Variants in MED28 observed in about 807,000 individuals in gnomAD.
MED28 encodes the protein mediator complex subunit 28.
A neutral mutation model predicts 21.3 loss-of-function variants in MED28; 26 were observed. The observed-to-expected ratio is 1.22, with a 90% CI of 0.89 to 1.69. The LOEUF (loss-of-function observed/expected upper bound fraction) is 1.69, where lower values mean the gene tolerates loss of function less well. Ranked by LOEUF, MED28 falls within the 40% of genes most tolerant of loss-of-function variation. The probability of loss-of-function intolerance (pLI) is 0.00; values close to 1 mark genes in which losing one functional copy is unlikely to be tolerated. For synonymous variants in MED28, 110 were observed against 87.6 expected (o/e 1.26, Z -1.43); for missense variants, 257 against 215.4 (o/e 1.19, Z -1.21).
rs1714949898 is a variant in MED28, at chr4:17,631,706, GA to G, written c.*7911del. On this transcript the variant is annotated 3_prime_UTR_variant, in exon 4 of 4. Transcript: ENST00000237380. ...GCTGCTTGTCTTAGACCAAGGAAGT[GA>G]AAGTATTCAGTCCAAGCATGCTACC... 1 of 152,322 alleles carries G rather than the reference GA, an allele frequency of 6.6e-6. No individual in the cohort carries two copies. Among genetic ancestry groups the G allele is most frequent in the South Asian group, 2.1e-4 (1 of 4,830 alleles). 9.4% of individuals were successfully genotyped at this position (152,322 alleles called of 1,614,324 possible). A position where few individuals can be genotyped will look rare whatever the true frequency, so the allele number is the denominator to read the frequency against.
At position 17,633,972 on chromosome 4, in the gene MED28, C is replaced by G; in HGVS notation, c.*10174C>G. On this transcript the variant is annotated 3_prime_UTR_variant, in exon 4 of 4. Coordinates refer to ENST00000237380, the MANE Select transcript of MED28 (RefSeq NM_025205.5). ...ATTGTAAAAGCAAATAATGCTCACCCAATCAAAATTGTATCGGAGAAGAAG... is the reference window on the plus strand; with the variant it reads ...ATTGTAAAAGCAAATAATGCTCACCGAATCAAAATTGTATCGGAGAAGAAG... The G allele has an allele frequency of 5.4e-6, 6 of 1,113,948 alleles. No individual in the cohort carries two copies. The highest frequency in any genetic ancestry group is 7.1e-6 in the Non-Finnish European group (6 of 840,318). The allele number at this position is 1,113,948 out of a possible 1,614,324, so 69.0% of individuals were successfully genotyped here.
In MED28 at chr4:17,624,065, A is replaced by T; in HGVS notation, c.*267A>T. On this transcript the variant is annotated 3_prime_UTR_variant, in exon 4 of 4. Coordinates refer to ENST00000237380, the MANE Select transcript of MED28 (RefSeq NM_025205.5). ...TTAGACTGTGAATATGATGACACAG[A>T]TTCTTTTTTATGGTGGCTTTGCTTG... The T allele has an allele frequency of 7.1e-6, 3 of 424,850 alleles. 1 individual carries two copies. In the South Asian group the frequency reaches 1.0e-4, roughly 15 times the overall value. The allele number at this position is 424,850 out of a possible 1,614,324, so 26.3% of individuals were successfully genotyped here.
rs1382281228 is a variant in MED28 at position 17,631,894 on chromosome 4, T to C, written c.*8096T>C. ...GCATCCTAAGGACAAGTACAACCAC[T>C]TTTGAAATAGATCATGGAAATCACA... On this transcript the variant is annotated 3_prime_UTR_variant, in exon 4 of 4. Coordinates refer to ENST00000237380, the MANE Select transcript of MED28 (RefSeq NM_025205.5). 1.3e-5 allele frequency: 2 copies of C among 152,162 alleles called. No homozygotes were observed. The highest frequency in any genetic ancestry group is 2.9e-5 in the Non-Finnish European group (2 of 68,034). The allele number at this position is 152,162 out of a possible 1,614,324, so 9.4% of individuals were successfully genotyped here. A position where few individuals can be genotyped will look rare whatever the true frequency, so the allele number is the denominator to read the frequency against.
chr4:17,628,255 CGT>C lies in MED28; in HGVS notation c.*4492_*4493del, dbSNP rs71167314. The C allele has an allele frequency of 0.017, 2,454 of 140,856 alleles. 24 individuals are homozygous for C. Among genetic ancestry groups the C allele is most frequent in the Non-Finnish European group, 0.021 (1,384 of 65,172 alleles). The allele number at this position is 140,856 out of a possible 1,614,324, so 8.7% of individuals were successfully genotyped here. ...GCTGGTTAAAACGAGTGACAGCTGC[CGT>C]GTGTGTGTGTGTGTGTGTGTGTGTG... On this transcript the variant is annotated 3_prime_UTR_variant, in exon 4 of 4. Coordinates refer to ENST00000237380, the MANE Select transcript of MED28 (RefSeq NM_025205.5).
rs1290014456 is a variant in MED28, at chr4:17,626,820, CTG to C, written c.*3024_*3025del. 6.6e-6 allele frequency: 1 copy of C among 152,324 alleles called. No homozygotes were observed. Among genetic ancestry groups the C allele is most frequent in the Non-Finnish European group, 1.5e-5 (1 of 68,112 alleles). 9.4% of individuals were successfully genotyped at this position (152,324 alleles called of 1,614,324 possible). A position where few individuals can be genotyped will look rare whatever the true frequency, so the allele number is the denominator to read the frequency against. On this transcript the variant is annotated 3_prime_UTR_variant, in exon 4 of 4. Coordinates refer to ENST00000237380, the MANE Select transcript of MED28 (RefSeq NM_025205.5). Reference sequence around the variant, plus strand: ...GTTCTACAAACAGCAGCTGGCAGCACTGTCTCCTGCCGGACATTCCTGCCACC... The same window carrying C: ...GTTCTACAAACAGCAGCTGGCAGCACTCTCCTGCCGGACATTCCTGCCACC...
Position 17,629,094 on chromosome 4 carries a change from A to G in MED28, c.*5296A>G, listed in dbSNP as rs10032326. On this transcript the variant is annotated 3_prime_UTR_variant, in exon 4 of 4. Transcript: ENST00000237380. The stretch of plus-strand genomic sequence containing the variant: ...CTCTACTAAAAATACATTAATTAGC[A>G]TGGTGGCGGGTGCCTGTAGTCCCAG... 6.6e-6 allele frequency: 1 copy of G among 151,990 alleles called. No homozygotes were observed. Among genetic ancestry groups the G allele is most frequent in the South Asian group, 2.1e-4 (1 of 4,828 alleles). The allele number at this position is 151,990 out of a possible 1,614,324, so 9.4% of individuals were successfully genotyped here.
In MED28 at chr4:17,634,075, A is replaced by C. The variant is rs1715050933; in HGVS notation, c.*10277A>C. 1 of 459,096 alleles carries C rather than the reference A, an allele frequency of 2.2e-6. No homozygotes were observed. The highest frequency in any genetic ancestry group is 5.3e-5 in the South Asian group (1 of 18,772). The allele number at this position is 459,096 out of a possible 1,614,324, so 28.4% of individuals were successfully genotyped here. A position where few individuals can be genotyped will look rare whatever the true frequency, so the allele number is the denominator to read the frequency against. On this transcript the variant is annotated 3_prime_UTR_variant, in exon 4 of 4. Transcript: ENST00000237380. ...CAATCTTCATTTTGTATTATAAATAAATATGTATGTTCACAACCTCTTAAC... is the reference window on the plus strand; with the variant it reads ...CAATCTTCATTTTGTATTATAAATACATATGTATGTTCACAACCTCTTAAC...
chr4:17,623,198 C>G (rs192237244), intron 3 of MED28, among the ~76,000 whole-genome samples: 42 of 152,064 alleles, frequency 2.8e-4, no homozygotes, highest in African/African-American at 1.0e-3. Flanking sequence ...GTCAGGAGTT[C>G]GAGATTAGCC....
Position 17,632,972 on chromosome 4 carries a change from A to C in MED28, c.*9174A>C. On this transcript the variant is annotated 3_prime_UTR_variant, in exon 4 of 4. Coordinates refer to ENST00000237380, the MANE Select transcript of MED28 (RefSeq NM_025205.5). Reference sequence around the variant, plus strand: ...AGTCTCCCTCTGTCACCCAGGCTGGAGTGCAGTGGCATGATCTCGGCTCAC... The same window carrying C: ...AGTCTCCCTCTGTCACCCAGGCTGGCGTGCAGTGGCATGATCTCGGCTCAC... The C allele has an allele frequency of 5.5e-6, 1 of 181,356 alleles. No homozygotes were observed. The highest frequency in any genetic ancestry group is 1.2e-5 in the Non-Finnish European group (1 of 85,078). 11.2% of individuals were successfully genotyped at this position (181,356 alleles called of 1,614,324 possible).
chr4:17,620,692 CTTTTT>C (rs146604205), intron 2 of MED28, among the ~76,000 whole-genome samples: 17 of 108,828 alleles, frequency 1.6e-4, no homozygotes, highest in Admixed American at 2.1e-4. Flanking sequence ...TGCATTGTCT[CTTTTT>C]TTTTTTTTTT....
intron 2 of MED28, 32 bp from the exon 3 acceptor site, chr4:17,621,555 T>C: frequency 7.0e-7 from 1 of 1,427,518 alleles, no homozygotes. Flanking sequence ...TTGTTTTTCT[T>C]ATTTTAATAA....
intron 1 of MED28, among the ~76,000 whole-genome samples, chr4:17,616,423 T>G (rs1012826161): frequency 2.0e-5 from 3 of 152,204 alleles, no homozygotes; most frequent in African/African-American, 4.8e-5. Context: ...AGACTGGCCC[T>G]GTACAAGTCT....
rs1217243251 is a variant in MED28, at chr4:17,625,118, C to A, written c.*1320C>A. 1 of 152,330 alleles carries A rather than the reference C, an allele frequency of 6.6e-6. No individual in the cohort carries two copies. The highest frequency in any genetic ancestry group is 2.4e-5 in the African/African-American group (1 of 41,372). 9.4% of individuals were successfully genotyped at this position (152,330 alleles called of 1,614,324 possible). ...CTCCCAGCACCCATTCAGTTGCATC[C>A]CCAGGGCACAGGACTTTGATCTCTT... On this transcript the variant is annotated 3_prime_UTR_variant, in exon 4 of 4. Transcript: ENST00000237380.
At chr4:17,621,727 T>G in intron 3 of MED28, 28 bp downstream of exon 3, 312 of 1,432,310 alleles carry the variant, frequency 2.2e-4, no homozygotes, top group Non-Finnish European at 2.7e-4. Context: ...TCCTCAGCTC[T>G]ATAGGAAGAA....
chr4:17,619,022 T>C (rs974656858), intron 1 of MED28, among the ~76,000 whole-genome samples: 22 of 152,376 alleles, frequency 1.4e-4, no homozygotes, highest in Non-Finnish European at 2.8e-4. Flanking sequence ...TGTAGTTTGC[T>C]GATTGCTGAC....
At position 17,625,223 on chromosome 4, in the gene MED28, G is replaced by A. The variant is rs146001376; in HGVS notation, c.*1425G>A. ...TGCCCCTCACTAATTCTACACCCAT[G>A]AGAATTAGACATTATTCTCCTTAAA... On this transcript the variant is annotated 3_prime_UTR_variant, in exon 4 of 4. Coordinates refer to ENST00000237380, the MANE Select transcript of MED28 (RefSeq NM_025205.5). 450 of 153,672 alleles carry A rather than the reference G, an allele frequency of 2.9e-3. 4 individuals carry two copies. Among genetic ancestry groups the A allele is most frequent in the South Asian group, 5.1e-3 (25 of 4,936 alleles). The allele number at this position is 153,672 out of a possible 1,614,324, so 9.5% of individuals were successfully genotyped here. A position where few individuals can be genotyped will look rare whatever the true frequency, so the allele number is the denominator to read the frequency against.
At chr4:17,618,013 C>CTT (rs529883796) in intron 1 of MED28, among the ~76,000 whole-genome samples, 1,591 of 117,866 alleles carry the variant, frequency 0.013, 59 homozygotes, top group African/African-American at 0.028. Context: ...CTTTTCTTTT[C>CTT]TTTTTTTTTT....
At position 17,631,996 on chromosome 4, in the gene MED28, A is replaced by G. The variant is rs1461162827; in HGVS notation, c.*8198A>G. On this transcript the variant is annotated 3_prime_UTR_variant, in exon 4 of 4. Transcript: ENST00000237380. ...AAGGTATGGGTCATTAGTAACGCTA[A>G]TAACATTTTCCTATAGATGACTTTT... The G allele has an allele frequency of 1.3e-5, 2 of 151,404 alleles. No homozygotes were observed. The highest frequency in any genetic ancestry group is 2.4e-5 in the African/African-American group (1 of 40,978). The allele number at this position is 151,404 out of a possible 1,614,324, so 9.4% of individuals were successfully genotyped here. A position where few individuals can be genotyped will look rare whatever the true frequency, so the allele number is the denominator to read the frequency against.
rs1714710549 is a variant in MED28 at position 17,624,071 on chromosome 4, T to G, written c.*273T>G. 1.2e-5 allele frequency: 5 copies of G among 420,254 alleles called. No homozygotes were observed. In the Admixed American group the frequency reaches 1.6e-4, roughly 13 times the overall value. 26.0% of individuals were successfully genotyped at this position (420,254 alleles called of 1,614,324 possible). On this transcript the variant is annotated 3_prime_UTR_variant, in exon 4 of 4. Coordinates refer to ENST00000237380, the MANE Select transcript of MED28 (RefSeq NM_025205.5). ...TGTGAATATGATGACACAGATTCTT[T>G]TTTATGGTGGCTTTGCTTGTTTTAA... is the stretch of plus-strand genomic sequence containing the variant.
Sources: allele counts gnomAD v4.1 joint callset (sites outside exome capture counted in the v4.1 genomes callset), GRCh38; gene constraint gnomAD v4.1.1; transcripts MANE v1.5; gene names NCBI Gene and HGNC (gene_info 2026-07-23, HGNC 2026-07-21).